PDE7B: variants seen among roughly 807,000 people sequenced by gnomAD.
The protein encoded by PDE7B is 3',5'-cyclic-AMP phosphodiesterase 7B.
In PDE7B, 29 loss-of-function variants were observed where a neutral mutation model predicts 56.2. That is an observed-to-expected ratio of 0.52 (90% CI 0.38 to 0.70). The LOEUF (loss-of-function observed/expected upper bound fraction) is 0.70. Among genes scored for constraint, PDE7B ranks in the 30% least tolerant of loss-of-function variants. PDE7B has a pLI of 0.00. For missense variants in PDE7B, 490 were observed against 565.0 expected (o/e 0.87, Z 1.35); for synonymous variants, 197 against 196.9 (o/e 1.00, Z 0.00).
intron 2 of PDE7B, among the ~76,000 whole-genome samples, chr6:136,008,117 A>G (rs1178698987): frequency 6.6e-6 from 1 of 151,910 alleles, no homozygotes; most frequent in Non-Finnish European, 1.5e-5. Context: ...GTTTGCTGAG[A>G]ATGATGGTTT....
At chr6:135,861,306 C>T (rs1389181930) in intron 1 of PDE7B, among the ~76,000 whole-genome samples, 1 of 151,680 alleles carries the variant, frequency 6.6e-6, no homozygotes, top group Non-Finnish European at 1.5e-5. Context: ...CAAAATTGCT[C>T]AAAGTGGTTA....
At chr6:135,975,139 T>A (rs1034767391) in intron 2 of PDE7B, among the ~76,000 whole-genome samples, 1 of 145,604 alleles carries the variant, frequency 6.9e-6, no homozygotes, top group Admixed American at 6.9e-5. Context: ...CTCCAGTCGT[T>A]TTTTTTTTGT....
intron 2 of PDE7B, among the ~76,000 whole-genome samples, chr6:136,102,044 C>T (rs770822870): frequency 3.9e-5 from 6 of 152,152 alleles, no homozygotes; most frequent in Admixed American, 6.5e-5. Context: ...ATGCTGGCCA[C>T]GTGCAGGAGT....
rs757902718 is a variant in PDE7B, at chr6:135,939,038, C to T, written c.22-8426C>T. On this transcript the variant is annotated intron_variant, in intron 1 of 12. Transcript: ENST00000308191. ...TGGCACTGCTCTAATAGAAAGCATA[C>T]GCCATTGAGCTAACATTCTGTTCTT... 5.9e-5 allele frequency among the ~76,000 whole-genome samples: 9 copies of T among 152,302 alleles called. 1 individual carries two copies. Among genetic ancestry groups the T allele is most frequent in the South Asian group, 4.1e-4 (2 of 4,828 alleles).
At chr6:135,896,154 A>G (rs1339910103) in intron 1 of PDE7B, among the ~76,000 whole-genome samples, 1 of 152,196 alleles carries the variant, frequency 6.6e-6, no homozygotes, top group Non-Finnish European at 1.5e-5. Flanking sequence ...CAACAGGTAT[A>G]TGAAAACGCG....
intron 2 of PDE7B, among the ~76,000 whole-genome samples, chr6:136,006,684 A>G (rs912262676): frequency 6.6e-6 from 1 of 152,064 alleles, no homozygotes; most frequent in African/African-American, 2.4e-5. Context: ...TGTGAATGGG[A>G]TTGCCTTCCT....
At chr6:136,176,219 AG>A (rs1471051346) in intron 9 of PDE7B, among the ~76,000 whole-genome samples, 1 of 152,014 alleles carries the variant, frequency 6.6e-6, no homozygotes, top group Non-Finnish European at 1.5e-5. Context: ...TGAAGTTTTT[AG>A]TTTGCCTTTT....
At chr6:135,942,658 C>T (rs919930729) in intron 1 of PDE7B, among the ~76,000 whole-genome samples, 1 of 152,142 alleles carries the variant, frequency 6.6e-6, no homozygotes, top group African/African-American at 2.4e-5. Context: ...AACCTCACAA[C>T]ATCCCAAGCT....
intron 2 of PDE7B, among the ~76,000 whole-genome samples, chr6:136,042,566 T>A (rs573555035): frequency 6.6e-6 from 1 of 152,246 alleles, no homozygotes; most frequent in South Asian, 2.1e-4. Context: ...AGAAAGAAAC[T>A]CATCTTCCCC....
At chr6:136,131,494 G>GCT (rs1314089914) in intron 3 of PDE7B, among the ~76,000 whole-genome samples, 1 of 84,684 alleles carries the variant, frequency 1.2e-5, no homozygotes, top group Non-Finnish European at 2.2e-5. Context: ...ATCCTGGCAG[G>GCT]TTTTTTTTTT....
chr6:136,109,829 GT>G (rs1777712472), intron 3 of PDE7B, among the ~76,000 whole-genome samples: 1 of 152,202 alleles, frequency 6.6e-6, no homozygotes, highest in Non-Finnish European at 1.5e-5. Context: ...GGAAGAGCAA[GT>G]GGATAAATTT....
chr6:136,161,385 C>T (rs759478881), intron 8 of PDE7B, among the ~76,000 whole-genome samples: 12 of 152,274 alleles, frequency 7.9e-5, no homozygotes, highest in East Asian at 5.8e-4. Flanking sequence ...ATACCGAGAA[C>T]AGTTCTGATG....
At chr6:135,940,291 T>C (rs1195947481) in intron 1 of PDE7B, among the ~76,000 whole-genome samples, 1 of 152,190 alleles carries the variant, frequency 6.6e-6, no homozygotes, top group Non-Finnish European at 1.5e-5. Flanking sequence ...CAAAGCCTTC[T>C]CCAGTAACCC....
At chr6:136,013,026 A>C (rs963756413) in intron 2 of PDE7B, among the ~76,000 whole-genome samples, 1 of 152,220 alleles carries the variant, frequency 6.6e-6, no homozygotes, top group African/African-American at 2.4e-5. Context: ...TTACAGATGC[A>C]GGGTATTTTT....
intron 3 of PDE7B, among the ~76,000 whole-genome samples, chr6:136,138,701 G>A (rs1372773669): frequency 6.6e-6 from 1 of 152,156 alleles, no homozygotes; most frequent in Admixed American, 6.5e-5. Context: ...GAAGTTAAAC[G>A]GAGTAGTCAT....
chr6:136,091,174 CT>C (rs1027580873), intron 2 of PDE7B, among the ~76,000 whole-genome samples: 10 of 152,114 alleles, frequency 6.6e-5, no homozygotes, highest in African/African-American at 2.4e-4. Context: ...ATTGAAGTCA[CT>C]AGGGAAACTG....
rs752187218 is a variant in PDE7B, at chr6:136,191,013, C to CTTTTTTTTTTTTTTTTTT, written c.1127-594_1127-577dup. 1.7e-3 allele frequency among the ~76,000 whole-genome samples: 168 copies of CTTTTTTTTTTTTTTTTTT among 99,270 alleles called. 19 individuals carry two copies. Among genetic ancestry groups the CTTTTTTTTTTTTTTTTTT allele is most frequent in the African/African-American group, 0.014 (151 of 11,106 alleles). The allele number at this position is 99,270 out of a possible 152,430, so 65.1% of individuals were successfully genotyped here. ...CTGCCTTCTTTAGCTCCAGCATACA[C>CTTTTTTTTTTTTTTTTTT]TTTTTTTTTTTTTTTTTTTTTTTTA... On this transcript the variant is annotated intron_variant, in intron 12 of 12. Coordinates refer to ENST00000308191, the MANE Select transcript of PDE7B (RefSeq NM_018945.4).
intron 1 of PDE7B, among the ~76,000 whole-genome samples, chr6:135,864,132 G>A (rs1047719321): frequency 4.6e-5 from 7 of 151,866 alleles, no homozygotes; most frequent in Admixed American, 3.3e-4. Context: ...TGACTATTGC[G>A]GTTACAGGAT....
chr6:135,880,851 G>C (rs975191637), intron 1 of PDE7B, among the ~76,000 whole-genome samples: 1 of 152,176 alleles, frequency 6.6e-6, no homozygotes, highest in Non-Finnish European at 1.5e-5. Flanking sequence ...AAGTTGTCTG[G>C]ATGCTTTCTT....
Sources: gnomAD v4.1 joint callset for allele counts (sites outside exome capture counted in the v4.1 genomes callset) on GRCh38, gnomAD v4.1.1 for gene constraint, MANE v1.5 for transcripts, NCBI Gene and HGNC (gene_info 2026-07-23, HGNC 2026-07-21) for gene names.